Variants in GRM3 observed in about 807,000 individuals in gnomAD.
The protein encoded by GRM3 is glutamate metabotropic receptor 3, also known as metabotropic glutamate receptor 3.
GRM3 carries 26 observed loss-of-function variants against 70.5 expected under a neutral mutation model. The observed-to-expected ratio is 0.37, with a 90% CI of 0.27 to 0.51. GRM3 has a LOEUF of 0.51. Among genes scored for constraint, GRM3 ranks in the 20% least tolerant of loss-of-function variants. The probability of loss-of-function intolerance (pLI) is 0.93; values close to 1 mark genes in which losing one functional copy is unlikely to be tolerated. For missense variants in GRM3, 859 were observed against 1,123.8 expected (o/e 0.76, Z 3.37); for synonymous variants, 443 against 434.9 (o/e 1.02, Z -0.23).
chr7:86,814,817 C>T (rs930899607), intron 3 of GRM3, among the ~76,000 whole-genome samples: 2 of 150,750 alleles, frequency 1.3e-5, no homozygotes, highest in South Asian at 2.1e-4. Context: ...CCACTTTCAG[C>T]GCCAGTCATT....
At chr7:86,785,105 A>G (rs1262560049) in intron 2 of GRM3, among the ~76,000 whole-genome samples, 5 of 152,238 alleles carry the variant, frequency 3.3e-5, no homozygotes, top group African/African-American at 7.2e-5. Context: ...AAAAGGAAAA[A>G]TTTCAAAGTA....
chr7:86,696,443 C>T (rs919762569), intron 1 of GRM3, among the ~76,000 whole-genome samples: 2 of 152,150 alleles, frequency 1.3e-5, no homozygotes, highest in African/African-American at 2.4e-5. Flanking sequence ...CAAATTTTCC[C>T]TTACAGCCTC....
At position 86,765,398 on chromosome 7, in the gene GRM3, T is replaced by C; in HGVS notation, c.253T>C (p.Leu85=). Residue 85 remains leucine (L), a synonymous_variant, in exon 2 of 6, where the codon TTG becomes CTG. Transcript: ENST00000361669. The part of the protein sequence containing the change: ...AIDEINKDDY[L]LPGVKLGVHI... ...TGATGAAATCAACAAAGATGATTAC[T>C]TGCTACCAGGAGTGAAGTTGGGTGT... 1 of 1,613,970 alleles carries C rather than the reference T, an allele frequency of 6.2e-7. No individual in the cohort carries two copies. Among genetic ancestry groups the C allele is most frequent in the Non-Finnish European group, 8.5e-7 (1 of 1,179,894 alleles).
chr7:86,722,317 G>A (rs1305646318), intron 1 of GRM3, among the ~76,000 whole-genome samples: 1 of 152,010 alleles, frequency 6.6e-6, no homozygotes, highest in Non-Finnish European at 1.5e-5. Context: ...GTTTATTGCA[G>A]CACTGTTCAT....
At chr7:86,843,615 G>A (rs2116750553) in intron 4 of GRM3, among the ~76,000 whole-genome samples, 1 of 152,286 alleles carries the variant, frequency 6.6e-6, no homozygotes, top group Admixed American at 6.5e-5. Flanking sequence ...TGTTTGAGTG[G>A]AAAGTTATCC....
At chr7:86,815,706 A>C (rs1036502753) in intron 3 of GRM3, among the ~76,000 whole-genome samples, 1 of 151,940 alleles carries the variant, frequency 6.6e-6, no homozygotes, top group Admixed American at 6.6e-5. Flanking sequence ...GAGAGTGAAA[A>C]GAAGCACTAT....
chr7:86,690,694 C>G (rs1456687116), intron 1 of GRM3, among the ~76,000 whole-genome samples: 1 of 151,962 alleles, frequency 6.6e-6, no homozygotes, highest in East Asian at 1.9e-4. Flanking sequence ...AGTGAGAGAA[C>G]AAGAGAGAGG....
At chr7:86,840,854 G>A (rs1798545111) in intron 4 of GRM3, among the ~76,000 whole-genome samples, 1 of 152,106 alleles carries the variant, frequency 6.6e-6, no homozygotes, top group Admixed American at 6.6e-5. Flanking sequence ...CAAATCTGCT[G>A]TTTACCAGCA....
intron 5 of GRM3, 122 bp downstream of exon 5, chr7:86,850,666 G>A (rs1361522894): frequency 1.1e-5 from 8 of 710,416 alleles, no homozygotes; most frequent in Non-Finnish European, 2.0e-5. Flanking sequence ...TACTAAGTAT[G>A]GATTTAAACA....
rs1052667817 is a variant in GRM3, at chr7:86,839,746, T to G, written c.2232T>G (p.Asp744Glu). ...DSSMLISLTYDVILVILCTVY... is the reference protein window; with the variant it reads ...DSSMLISLTYEVILVILCTVY... ...GCATGTTGATCTCTCTTACCTACGA[T>G]GTGATCCTGGTGATCTTATGCACTG... The change falls in exon 4 of 6, where the codon GAT (aspartate) becomes GAG (glutamate). Residue 744 changes from aspartate (D) to glutamate (E), a missense_variant. Coordinates refer to ENST00000361669, the MANE Select transcript of GRM3 (RefSeq NM_000840.3). The surrounding 1 kb of genome is among the most constrained non-coding windows in gnomAD (Gnocchi z 4.5). 19 of 1,613,980 alleles carry G rather than the reference T, an allele frequency of 1.2e-5. No individual in the cohort carries two copies. Among genetic ancestry groups the G allele is most frequent in the Non-Finnish European group, 5.9e-6 (7 of 1,179,974 alleles).
intron 2 of GRM3, among the ~76,000 whole-genome samples, chr7:86,779,268 T>C (rs571856266): frequency 6.6e-6 from 1 of 152,306 alleles, no homozygotes; most frequent in South Asian, 2.1e-4. Flanking sequence ...CAATTCCTTG[T>C]CTTATGTGTC....
At chr7:86,750,285 T>G (rs964102278) in intron 1 of GRM3, among the ~76,000 whole-genome samples, 2 of 152,106 alleles carry the variant, frequency 1.3e-5, no homozygotes, top group Non-Finnish European at 2.9e-5. Flanking sequence ...ACACAAAGCT[T>G]TCCAAGTATC....
intron 1 of GRM3, among the ~76,000 whole-genome samples, chr7:86,659,194 G>T: frequency 6.6e-6 from 1 of 152,026 alleles, no homozygotes; most frequent in East Asian, 1.9e-4. Flanking sequence ...ACACCCCAAG[G>T]TATTCCATTA....
At chr7:86,697,171 A>G (rs1373904605) in intron 1 of GRM3, among the ~76,000 whole-genome samples, 1 of 152,152 alleles carries the variant, frequency 6.6e-6, no homozygotes. Context: ...GGGAGAGAAG[A>G]ATCTTTGAAA....
chr7:86,674,208 G>A (rs1466945869), intron 1 of GRM3, among the ~76,000 whole-genome samples: 1 of 151,994 alleles, frequency 6.6e-6, no homozygotes, highest in Non-Finnish European at 1.5e-5. Flanking sequence ...GTCATCTGGA[G>A]GCTTGACCAG....
At chr7:86,705,515 A>G (rs528854208) in intron 1 of GRM3, among the ~76,000 whole-genome samples, 3 of 152,074 alleles carry the variant, frequency 2.0e-5, no homozygotes, top group Non-Finnish European at 2.9e-5. Context: ...GGTTTAAGTC[A>G]TCTATAGGCT....
chr7:86,806,692 G>A (rs1797801063), intron 3 of GRM3, among the ~76,000 whole-genome samples: 1 of 152,068 alleles, frequency 6.6e-6, no homozygotes, highest in Non-Finnish European at 1.5e-5. Context: ...CCATTCTGTA[G>A]GTTGCCTGTT....
intron 1 of GRM3, among the ~76,000 whole-genome samples, chr7:86,711,293 G>T (rs960399629): frequency 6.6e-6 from 1 of 151,812 alleles, no homozygotes; most frequent in Non-Finnish European, 1.5e-5. Context: ...GGACAATTTT[G>T]CAGAGCAAAT....
intron 3 of GRM3, among the ~76,000 whole-genome samples, chr7:86,801,346 G>A (rs1161579514): frequency 6.6e-6 from 1 of 152,108 alleles, no homozygotes; most frequent in Non-Finnish European, 1.5e-5. Context: ...TGGGATTACA[G>A]GCGTGAGCCA....
Sources: gnomAD v4.1 joint callset for allele counts (sites outside exome capture counted in the v4.1 genomes callset) on GRCh38, gnomAD v4.1.1 for gene constraint, Gnocchi (gnomAD v3.1) non-coding constraint, MANE v1.5 for transcripts, NCBI Gene and HGNC (gene_info 2026-07-23, HGNC 2026-07-21) for gene names.